Variants in DOCK9 observed in about 807,000 individuals in gnomAD.
DOCK9 encodes the protein dedicator of cytokinesis protein 9.
Under a neutral mutation model 263.3 loss-of-function variants are expected in DOCK9, and 89 were observed. That is an observed-to-expected ratio of 0.34 (90% CI 0.28 to 0.40). The LOEUF (loss-of-function observed/expected upper bound fraction) is 0.40. Among genes scored for constraint, DOCK9 ranks in the 10% least tolerant of loss-of-function variants. The probability of loss-of-function intolerance (pLI) is 1.00; values close to 1 mark genes in which losing one functional copy is unlikely to be tolerated. For missense variants in DOCK9, 2,140 were observed against 2,603.4 expected, an observed-to-expected ratio of 0.82 and a Z score of 3.87; for synonymous variants, 976 against 973.1, an observed-to-expected ratio of 1.00 and a Z score of -0.06.
At position 98,898,257 on chromosome 13, in the gene DOCK9, G is replaced by C. The variant is rs1465605307; in HGVS notation, c.1508C>G (p.Ala503Gly). Residue 503 changes from alanine (A) to glycine (G), a missense_variant, in exon 14 of 53, where the codon GCC (alanine) becomes GGC (glycine). Physicochemically the swap from Ala to Gly is moderately conservative, Grantham distance 60 (BLOSUM62 0). Around this residue, in one of 2 missense-constraint regions of DOCK9, gnomAD observed 1,521 missense variants for 1,741.7 expected, o/e 0.87. Transcript: ENST00000682017. ...CTTGGCATTCTTCAGCACCTTCTGG[G>C]CCACCTTGAAGACATGAGAATAAAG... Reference protein sequence around the residue: ...YMKSSDSSKVAQKVLKNAKQA... With the variant: ...YMKSSDSSKVGQKVLKNAKQA... 6.2e-7 allele frequency: 1 copy of C among 1,609,876 alleles called. No individual in the cohort carries two copies. The highest frequency in any genetic ancestry group is 8.5e-7 in the Non-Finnish European group (1 of 1,177,878).
At chr13:98,970,186 C>T (rs1489814798) in intron 1 of DOCK9, among the ~76,000 whole-genome samples, 21 of 152,128 alleles carry the variant, frequency 1.4e-4, no homozygotes, top group Non-Finnish European at 7.4e-5. Flanking sequence ...TGTGTAAAGA[C>T]AGGGTCTTGC....
intron 1 of DOCK9, among the ~76,000 whole-genome samples, chr13:99,029,639 A>G (rs528701302): frequency 6.6e-6 from 1 of 152,230 alleles, no homozygotes; most frequent in Non-Finnish European, 1.5e-5. Flanking sequence ...ATCCTACTAC[A>G]TATCTATTAG....
At chr13:99,065,515 C>T (rs992162461) in intron 1 of DOCK9, among the ~76,000 whole-genome samples, 2 of 152,204 alleles carry the variant, frequency 1.3e-5, no homozygotes, top group Non-Finnish European at 1.5e-5. Flanking sequence ...TGACCAGAAT[C>T]TGTGTACCTC....
chr13:98,801,690 C>G (rs2090127137), intron 49 of DOCK9, among the ~76,000 whole-genome samples: 1 of 152,064 alleles, frequency 6.6e-6, no homozygotes, highest in Non-Finnish European at 1.5e-5. Context: ...TACTTAAAAG[C>G]TTATTATTTT....
chr13:98,960,156 T>TA (rs1567100135), intron 1 of DOCK9, among the ~76,000 whole-genome samples: 1 of 152,208 alleles, frequency 6.6e-6, no homozygotes, highest in Admixed American at 6.5e-5. Flanking sequence ...TCAAATTCAA[T>TA]TCTTCCCTTG....
At chr13:99,057,305 T>G (rs978719783) in intron 1 of DOCK9, among the ~76,000 whole-genome samples, 3 of 152,154 alleles carry the variant, frequency 2.0e-5, no homozygotes, top group African/African-American at 4.8e-5. Context: ...TAAGTAGTAG[T>G]CTCAAAATGT....
At chr13:98,855,559 G>A (rs1319995210) in intron 34 of DOCK9, among the ~76,000 whole-genome samples, 3 of 152,070 alleles carry the variant, frequency 2.0e-5, no homozygotes, top group African/African-American at 4.8e-5. Context: ...GCGACAGAGC[G>A]AGACTCTGTC....
intron 1 of DOCK9, among the ~76,000 whole-genome samples, chr13:99,017,669 G>A (rs35276366): frequency 0.089 from 13,561 of 152,062 alleles, 742 homozygotes; most frequent in African/African-American, 0.15. Context: ...GACTTCCCTG[G>A]ACCACACTGG....
At chr13:98,883,272 G>A (rs917310212) in intron 22 of DOCK9, 141 bp from the exon 23 acceptor site, 1 of 810,460 alleles carries the variant, frequency 1.2e-6, no homozygotes. Flanking sequence ...TTTTGAGACA[G>A]AGTCTTGCTC....
chr13:98,818,680 A>T (rs1338638705), intron 45 of DOCK9, among the ~76,000 whole-genome samples: 1 of 152,008 alleles, frequency 6.6e-6, no homozygotes, highest in Admixed American at 6.5e-5. Flanking sequence ...ATTTTATGAT[A>T]TTAGCCTAGA....
chr13:98,917,108 A>G (rs1248813615), intron 7 of DOCK9, among the ~76,000 whole-genome samples: 1 of 152,214 alleles, frequency 6.6e-6, no homozygotes, highest in Non-Finnish European at 1.5e-5. Flanking sequence ...TTGAAGGAAG[A>G]GACTTCCATT....
intron 2 of DOCK9, among the ~76,000 whole-genome samples, chr13:98,941,543 AGT>A (rs910881066): frequency 2.0e-5 from 3 of 152,236 alleles, no homozygotes; most frequent in African/African-American, 7.2e-5. Context: ...CTTAATAACT[AGT>A]TATGAATTAA....
At chr13:99,071,550 C>T (rs941181698) in intron 1 of DOCK9, among the ~76,000 whole-genome samples, 5 of 151,728 alleles carry the variant, frequency 3.3e-5, no homozygotes, top group African/African-American at 7.3e-5. Context: ...AGGTCTTCAT[C>T]GTCTTCATAG....
rs370825876 is a variant in DOCK9, at chr13:98,844,506, G to A, written c.4198+1418C>T. Among the ~76,000 whole-genome samples, 217 of 152,232 alleles carry A rather than the reference G, an allele frequency of 1.4e-3. 7 individuals are homozygous for A. In the South Asian group the frequency reaches 0.042, roughly 30 times the overall value. On this transcript the variant is annotated intron_variant, in intron 38 of 52. Coordinates refer to ENST00000682017, the MANE Select transcript of DOCK9 (RefSeq NM_001366683.2). ...GCCTCCCCAGTAGCTGGGATTACAT[G>A]TGTGTGCCAATAAGCCTGACTAGTT...
intron 30 of DOCK9, among the ~76,000 whole-genome samples, chr13:98,865,111 G>A (rs533292762): frequency 1.4e-4 from 22 of 152,228 alleles, no homozygotes; most frequent in African/African-American, 5.3e-4. Context: ...CTGGAGTGCC[G>A]TGGCATAATC....
intron 1 of DOCK9, among the ~76,000 whole-genome samples, chr13:98,989,720 T>C (rs1468936826): frequency 5.3e-5 from 8 of 152,194 alleles, no homozygotes; most frequent in Non-Finnish European, 1.0e-4. Context: ...ACACACACCT[T>C]AGCCTTATTC....
chr13:98,925,973 T>C lies in DOCK9; in HGVS notation c.334-54A>G, dbSNP rs2052883814. 3.5e-6 allele frequency: 5 copies of C among 1,425,206 alleles called. No individual in the cohort carries two copies. The South Asian group carries it at 5.4e-5, about 15-fold the overall frequency. The allele number at this position is 1,425,206 out of a possible 1,614,324, so 88.3% of individuals were successfully genotyped here. On this transcript the variant is annotated intron_variant, in intron 3 of 52. Coordinates refer to ENST00000682017, the MANE Select transcript of DOCK9 (RefSeq NM_001366683.2). The stretch of plus-strand genomic sequence containing the variant: ...AATAAAAAACAGAAAGACGTGATTT[T>C]TGGAAAACACTTGGGAAAGTTTGTG...
Position 98,867,038 on chromosome 13 carries a change from A to T in DOCK9, c.3286+387T>A, listed in dbSNP as rs370922371. ...TTTTTTAGAGGAGGAAAATGCAAGA[A>T]AGCAAGCGTCATACCCCACACCTAC... On this transcript the variant is annotated intron_variant, in intron 30 of 52. Transcript: ENST00000682017. 5.5e-3 allele frequency: 2,320 copies of T among 421,066 alleles called. 77 individuals carry two copies. The highest frequency in any genetic ancestry group is 0.04 in the South Asian group (2,217 of 55,966). The allele number at this position is 421,066 out of a possible 1,614,324, so 26.1% of individuals were successfully genotyped here.
intron 2 of DOCK9, among the ~76,000 whole-genome samples, chr13:98,947,178 G>C (rs1477088652): frequency 2.6e-5 from 4 of 152,094 alleles, no homozygotes; most frequent in Non-Finnish European, 5.9e-5. Context: ...TCATGACACT[G>C]GTCCTAGTCC....
Sources: gnomAD v4.1 joint callset for allele counts (sites outside exome capture counted in the v4.1 genomes callset) on GRCh38, gnomAD v4.1.1 for gene constraint, gnomAD v4.1.1 regional missense constraint, MANE v1.5 for transcripts, NCBI Gene and HGNC (gene_info 2026-07-23, HGNC 2026-07-21) for gene names.